Variants in GEMIN5 observed in about 807,000 individuals in gnomAD.
GEMIN5 encodes the protein gem-associated protein 5.
Under a neutral mutation model 176.9 loss-of-function variants are expected in GEMIN5, and 124 were observed. The ratio of observed to expected loss-of-function variants is 0.70; its 90% CI spans 0.61 to 0.81. The LOEUF (loss-of-function observed/expected upper bound fraction) is 0.81, where lower values mean the gene tolerates loss of function less well. GEMIN5 is among the 40% of genes least tolerant of loss of function. The pLI, the probability that GEMIN5 is intolerant of heterozygous loss-of-function variation, is 0.00. For synonymous variants in GEMIN5, 673 were observed against 665.2 expected, an observed-to-expected ratio of 1.01 and a Z score of -0.18; for missense variants, 1,843 against 1,814.6, an observed-to-expected ratio of 1.02 and a Z score of -0.28.
Position 154,887,975 on chromosome 5 carries a change from A to G in GEMIN5, c.*235T>C. 4.0e-6 allele frequency: 2 copies of G among 498,820 alleles called. No individual in the cohort carries two copies. The highest frequency in any genetic ancestry group is 4.4e-5 in the South Asian group (2 of 45,608). The allele number at this position is 498,820 out of a possible 1,614,324, so 30.9% of individuals were successfully genotyped here. A position where few individuals can be genotyped will look rare whatever the true frequency, so the allele number is the denominator to read the frequency against. ...CTGCAGGTGTTAGTTCTGAATAACT[A>G]CTGTGGGCTTTTCATGATCTTCCCT... is the stretch of plus-strand genomic sequence containing the variant. On this transcript the variant is annotated 3_prime_UTR_variant, in exon 28 of 28. Coordinates refer to ENST00000285873, the MANE Select transcript of GEMIN5 (RefSeq NM_015465.5).
chr5:154,935,642 A>G (rs902197294), intron 3 of GEMIN5, among the ~76,000 whole-genome samples, 199 bp downstream of exon 3: 1 of 152,232 alleles, frequency 6.6e-6, no homozygotes, highest in Non-Finnish European at 1.5e-5. Context: ...GTACAGTACC[A>G]TGGAAACCAA....
In GEMIN5 at chr5:154,892,456, C is replaced by T. The variant is rs1217385013; in HGVS notation, c.3691G>A (p.Val1231Met). Reference protein sequence around the residue: ...DEAVQALLRAVVRSYDSGSFT... With the variant: ...DEAVQALLRAMVRSYDSGSFT... ...CTCCCTGAGTCATAGCTCCGGACCA[C>T]CGCCCGAAGGAGCGCCTGCACAGCC... is the stretch of plus-strand genomic sequence containing the variant. The change falls in exon 25 of 28, where the codon GTG becomes ATG. Residue 1231 changes from valine (V) to methionine (M), a missense_variant. Val to Met is a conservative substitution (Grantham distance 21, BLOSUM62 1). Transcript: ENST00000285873. 7.4e-6 allele frequency: 12 copies of T among 1,614,106 alleles called. No homozygotes were observed. The highest frequency in any genetic ancestry group is 1.0e-5 in the Non-Finnish European group (12 of 1,180,044).
intron 5 of GEMIN5, 55 bp downstream of exon 5, chr5:154,931,403 C>T (rs562752013): frequency 6.5e-7 from 1 of 1,537,366 alleles, no homozygotes; most frequent in African/African-American, 1.4e-5. Context: ...ACAGAAAACC[C>T]TCTACTTCCA....
intron 21 of GEMIN5, among the ~76,000 whole-genome samples, 163 bp from the exon 22 acceptor site, chr5:154,899,473 T>C (rs1763422128): frequency 6.6e-6 from 1 of 152,242 alleles, no homozygotes; most frequent in Admixed American, 6.5e-5. Context: ...TAGAAACATA[T>C]GCTGCATTCG....
At chr5:154,925,740 A>T in intron 8 of GEMIN5, 122 bp downstream of exon 8, 2 of 620,634 alleles carry the variant, frequency 3.2e-6, no homozygotes, top group Non-Finnish European at 5.7e-6. Context: ...CTAGTTTCAA[A>T]CTTCATTGAA....
intron 4 of GEMIN5, 25 bp from the exon 5 acceptor site, chr5:154,931,602 T>C (rs1764165734): frequency 6.4e-7 from 1 of 1,569,756 alleles, no homozygotes; most frequent in East Asian, 2.3e-5. Context: ...GCAATTTTGT[T>C]TTTAATTTAC....
chr5:154,896,510 G>A (rs1300546751), intron 23 of GEMIN5, among the ~76,000 whole-genome samples, 167 bp from the exon 24 acceptor site: 4 of 152,120 alleles, frequency 2.6e-5, no homozygotes, highest in African/African-American at 9.7e-5. Context: ...GAGACAAAAG[G>A]GGCGATCTGA....
chr5:154,890,481 T>C (rs1335392649), intron 26 of GEMIN5, among the ~76,000 whole-genome samples: 1 of 150,714 alleles, frequency 6.6e-6, no homozygotes, highest in African/African-American at 2.4e-5. Context: ...TTTTTTTTTT[T>C]TTTTGTAGAG....
At chr5:154,901,303 G>A in intron 21 of GEMIN5, 36 bp downstream of exon 21, 1 of 1,525,608 alleles carries the variant, frequency 6.6e-7, no homozygotes, top group East Asian at 2.3e-5. Context: ...TTCACATTAT[G>A]TCCAAGTATT....
Position 154,921,397 on chromosome 5 carries a change from TATG to T in GEMIN5, c.1405_1407del (p.His469del). 1 of 1,486,256 alleles carries T rather than the reference TATG, an allele frequency of 6.7e-7. No individual in the cohort carries two copies. Among genetic ancestry groups the T allele is most frequent in the Non-Finnish European group, 9.2e-7 (1 of 1,083,776 alleles). 92.1% of individuals were successfully genotyped at this position (1,486,256 alleles called of 1,614,324 possible). A position where few individuals can be genotyped will look rare whatever the true frequency, so the allele number is the denominator to read the frequency against. On this transcript the variant is annotated inframe_deletion, in exon 10 of 28. Transcript: ENST00000285873. ...CAGGCTAAAGTATATACAGTCTTCT[TATG>T]ATATGTGCTAGAAATCTGTGGAGGC...
In GEMIN5 at chr5:154,907,741, A is replaced by G; in HGVS notation, c.2245T>C (p.Leu749=). The G allele has an allele frequency of 6.2e-7, 1 of 1,614,148 alleles. No individual in the cohort carries two copies. The highest frequency in any genetic ancestry group is 8.5e-7 in the Non-Finnish European group (1 of 1,180,016). The change falls in exon 16 of 28, where the codon TTG becomes CTG. Residue 749 remains leucine, a synonymous_variant. Transcript: ENST00000285873. ...AKPKKKKKPT[L]RTPVKLESID... The stretch of plus-strand genomic sequence containing the variant: ...GATTCCAGCTTTACAGGAGTTCTCA[A>G]GGTGGGCTTTTTCTTCTTTTTGGGC...
In GEMIN5 at chr5:154,907,815, T is replaced by C; in HGVS notation, c.2171A>G (p.Lys724Arg). ...TTTTTTCTCCAATTCAATACTTTTT[T>C]TGCCTACAAGAATCACAATAAAGGA... ...MQDHSRPPQG[K>R]KSIELEKKRL... Residue 724 changes from lysine (K) to arginine (R), a missense_variant, in exon 16 of 28, where the codon AAA becomes AGA. Coordinates refer to ENST00000285873, the MANE Select transcript of GEMIN5 (RefSeq NM_015465.5). The C allele has an allele frequency of 6.2e-7, 1 of 1,611,786 alleles. No homozygotes were observed. Among genetic ancestry groups the C allele is most frequent in the Non-Finnish European group, 8.5e-7 (1 of 1,178,516 alleles).
intron 3 of GEMIN5, among the ~76,000 whole-genome samples, chr5:154,935,276 T>C (rs1162132650): frequency 6.6e-6 from 1 of 152,194 alleles, no homozygotes; most frequent in Non-Finnish European, 1.5e-5. Flanking sequence ...GTCTTTCAAA[T>C]CCACTCCAAT....
At position 154,931,444 on chromosome 5, in the gene GEMIN5, A is replaced by T; in HGVS notation, c.781+14T>A. The T allele has an allele frequency of 6.3e-7, 1 of 1,595,714 alleles. No individual in the cohort carries two copies. The highest frequency in any genetic ancestry group is 8.6e-7 in the Non-Finnish European group (1 of 1,167,152). On this transcript the variant is annotated intron_variant, in intron 5 of 27. Transcript: ENST00000285873. Reference sequence around the variant, plus strand: ...TCAACATAGGTTACATCACAAAAGAAAGATCAATCTTACCTCGGCCTCTAG... The same window carrying T: ...TCAACATAGGTTACATCACAAAAGATAGATCAATCTTACCTCGGCCTCTAG...
chr5:154,920,163 T>C (rs1763895655), intron 10 of GEMIN5, 60 bp from the exon 11 acceptor site: 1 of 1,383,338 alleles, frequency 7.2e-7, no homozygotes, highest in Non-Finnish European at 1.0e-6. Context: ...AACTATTTGT[T>C]GCTATAGTAT....
chr5:154,907,659 C>T lies in GEMIN5; in HGVS notation c.2327G>A (p.Gly776Asp). The change falls in exon 16 of 28, where the codon GGT (glycine) becomes GAT (aspartate). Residue 776 changes from glycine (G) to aspartate (D), a missense_variant. Transcript: ENST00000285873. ...MKENSGPVEN[G>D]VSDQEGEEQA... ...CTCCTCCCCTTCTTGGTCTGACACA[C>T]CATTCTCAACAGGTCCTGAGTTCTC... The T allele has an allele frequency of 1.2e-6, 2 of 1,614,150 alleles. No homozygotes were observed. The highest frequency in any genetic ancestry group is 1.7e-6 in the Non-Finnish European group (2 of 1,180,012).
chr5:154,926,590 G>C (rs1045551181), intron 7 of GEMIN5, among the ~76,000 whole-genome samples: 2 of 152,154 alleles, frequency 1.3e-5, no homozygotes, highest in African/African-American at 2.4e-5. Context: ...TAAGGTAATA[G>C]GCTTTCAAAT....
rs1763461920 is a variant in GEMIN5, at chr5:154,901,417, A to C, written c.2936T>G (p.Val979Gly). Residue 979 changes from valine to glycine, a missense_variant, in exon 21 of 28, where the codon GTC becomes GGC. Transcript: ENST00000285873. The part of the protein sequence containing the change: ...AKQLCFQDQY[V>G]KAASHLLSIH... The stretch of plus-strand genomic sequence containing the variant: ...GGAAAGTAGGTGAGAAGCAGCCTTG[A>C]CATACTGATCCTGAAAACACAGCTG... 2 of 1,613,994 alleles carry C rather than the reference A, an allele frequency of 1.2e-6. No individual in the cohort carries two copies.
intron 26 of GEMIN5, among the ~76,000 whole-genome samples, chr5:154,889,715 A>C (rs951587506): frequency 2.0e-5 from 3 of 152,186 alleles, no homozygotes; most frequent in Admixed American, 6.5e-5. Flanking sequence ...TGTCTCTATA[A>C]ATTTAACTAT....
Sources: allele counts gnomAD v4.1 joint callset (sites outside exome capture counted in the v4.1 genomes callset), GRCh38; gene constraint gnomAD v4.1.1; transcripts MANE v1.5; gene names NCBI Gene and HGNC (gene_info 2026-07-23, HGNC 2026-07-21).